ARB2A: variants seen among roughly 807,000 people sequenced by gnomAD.
The protein encoded by ARB2A is ARB2 cotranscriptional regulator A, also known as cotranscriptional regulator ARB2A.
At chr5:93,803,972 T>A in the ARB2A span, among the ~76,000 whole-genome samples, 1 of 151,946 alleles carries the variant, frequency 6.6e-6, no homozygotes, top group South Asian at 2.1e-4. Context: ...CTGTTATTAT[T>A]CCTACAAGGT....
chr5:93,767,811 G>A, the ARB2A span, among the ~76,000 whole-genome samples: 3 of 151,424 alleles, frequency 2.0e-5, no homozygotes, highest in Non-Finnish European at 4.4e-5. Context: ...TGGCTAACAC[G>A]GCAAAACCCC....
chr5:93,807,081 G>A, the ARB2A span, among the ~76,000 whole-genome samples: 1 of 151,928 alleles, frequency 6.6e-6, no homozygotes, highest in African/African-American at 2.4e-5. Context: ...CTGGTCTGGA[G>A]GAGGATATTG....
chr5:93,975,077 G>C, the ARB2A span, among the ~76,000 whole-genome samples: 9 of 152,052 alleles, frequency 5.9e-5, no homozygotes, highest in Non-Finnish European at 1.3e-4. Context: ...CACTTTGGGA[G>C]GCTGAGGCAG....
At chr5:93,827,905 G>A in the ARB2A span, among the ~76,000 whole-genome samples, 4 of 152,228 alleles carry the variant, frequency 2.6e-5, no homozygotes, top group East Asian at 1.9e-4. Context: ...TCAGATAGTC[G>A]TAGGCATGCG....
the ARB2A span, among the ~76,000 whole-genome samples, chr5:93,770,765 C>T: frequency 6.6e-6 from 1 of 152,114 alleles, no homozygotes; most frequent in Non-Finnish European, 1.5e-5. Context: ...AGGACCTCTT[C>T]AAGGAGAACT....
the ARB2A span, among the ~76,000 whole-genome samples, chr5:94,099,624 C>CAA: frequency 0.1 from 1,392 of 13,620 alleles, 252 homozygotes; most frequent in Non-Finnish European, 0.19. Flanking sequence ...GACTCCGTCT[C>CAA]AAAAAAAAAA....
the ARB2A span, among the ~76,000 whole-genome samples, chr5:93,986,444 G>T: frequency 6.6e-6 from 1 of 151,746 alleles, no homozygotes; most frequent in African/African-American, 2.4e-5. Context: ...GGGGGGTGGG[G>T]GGGCCCCTCT....
the ARB2A span, among the ~76,000 whole-genome samples, chr5:94,043,889 T>C: frequency 2.0e-5 from 3 of 152,262 alleles, no homozygotes; most frequent in Admixed American, 2.0e-4. Flanking sequence ...TTTATACAAA[T>C]AATCAGGCAA....
chr5:93,639,688 A>T, the ARB2A span, among the ~76,000 whole-genome samples: 2 of 152,212 alleles, frequency 1.3e-5, no homozygotes, highest in Non-Finnish European at 2.9e-5. Flanking sequence ...TCCTGGGATA[A>T]TATAACAAAG....
At chr5:94,037,169 G>T in the ARB2A span, among the ~76,000 whole-genome samples, 1 of 152,136 alleles carries the variant, frequency 6.6e-6, no homozygotes, top group Non-Finnish European at 1.5e-5. Flanking sequence ...TATTTTTAAA[G>T]AGGCTTATAG....
chr5:93,833,818 G>A, the ARB2A span, among the ~76,000 whole-genome samples: 1 of 152,108 alleles, frequency 6.6e-6, no homozygotes, highest in African/African-American at 2.4e-5. Flanking sequence ...TTACACCTTC[G>A]AATCTTTTTA....
chr5:93,888,791 T>C, the ARB2A span, among the ~76,000 whole-genome samples: 1 of 151,840 alleles, frequency 6.6e-6, no homozygotes, highest in East Asian at 1.9e-4. Context: ...TGTGTTTAAA[T>C]TGTTTTCATT....
chr5:93,800,303 A>C, the ARB2A span, among the ~76,000 whole-genome samples: 6 of 151,868 alleles, frequency 4.0e-5, no homozygotes, highest in Non-Finnish European at 8.8e-5. Context: ...ATCTGCAAGA[A>C]TACTTTATTT....
At chr5:94,016,762 T>C in the ARB2A span, among the ~76,000 whole-genome samples, 4 of 152,222 alleles carry the variant, frequency 2.6e-5, no homozygotes, top group African/African-American at 9.6e-5. Flanking sequence ...TCAGATATGC[T>C]GTCTCAGCTT....
At chr5:94,098,621 T>C in the ARB2A span, among the ~76,000 whole-genome samples, 4 of 151,446 alleles carry the variant, frequency 2.6e-5, no homozygotes, top group Admixed American at 2.6e-4. Context: ...AGACAAGCAA[T>C]AACAAAAATT....
the ARB2A span, among the ~76,000 whole-genome samples, chr5:93,777,155 T>C: frequency 1.0e-5 from 1 of 95,646 alleles, no homozygotes; most frequent in African/African-American, 4.1e-5. Flanking sequence ...CTGGGGACTG[T>C]TGTGGGGTGG....
At chr5:93,643,487 CTTT>C in the ARB2A span, among the ~76,000 whole-genome samples, 1 of 152,150 alleles carries the variant, frequency 6.6e-6, no homozygotes, top group Admixed American at 6.6e-5. Context: ...AATATGAAGA[CTTT>C]TTATTTATTT....
the ARB2A span, among the ~76,000 whole-genome samples, chr5:94,078,276 T>TC: frequency 6.6e-6 from 1 of 152,154 alleles, no homozygotes; most frequent in Non-Finnish European, 1.5e-5. Flanking sequence ...TTGGTTCCAG[T>TC]CTAGCCCTAA....
the ARB2A span, among the ~76,000 whole-genome samples, chr5:93,837,851 G>T: frequency 6.6e-6 from 1 of 152,128 alleles, no homozygotes; most frequent in African/African-American, 2.4e-5. Flanking sequence ...TTTTAATGGG[G>T]ATGTTTGTTT....
Sources: gnomAD v4.1 joint callset for allele counts (sites outside exome capture counted in the v4.1 genomes callset) on GRCh38, gnomAD v4.1.1 for gene constraint, MANE v1.5 for transcripts, NCBI Gene and HGNC (gene_info 2026-07-23, HGNC 2026-07-21) for gene names.